The following LOC128462377 variants were observed in gnomAD, a reference collection of about 807,000 sequenced individuals.
chr16:89,393,395 C>T, the LOC128462377 span, among the ~76,000 whole-genome samples: 2 of 150,500 alleles, frequency 1.3e-5, no homozygotes, highest in African/African-American at 4.9e-5. Context: ...GCAATATTGG[C>T]TCACTGCAAC....
At chr16:89,385,922 C>T in the LOC128462377 span, among the ~76,000 whole-genome samples, 7 of 152,326 alleles carry the variant, frequency 4.6e-5, no homozygotes, top group Admixed American at 3.9e-4. Flanking sequence ...CCCAGGAGGT[C>T]ACCACACGGA....
At chr16:89,327,069 GAATGCAGAGGTTGGA>G in the LOC128462377 span, among the ~76,000 whole-genome samples, 2 of 38,962 alleles carry the variant, frequency 5.1e-5, no homozygotes, top group South Asian at 6.6e-4. Context: ...CAGAGGTGGG[GAATGCAGAGGTTGGA>G]AATGCAGAGG....
At chr16:89,361,420 G>C in the LOC128462377 span, 1 of 152,308 alleles carries the variant, frequency 6.6e-6, no homozygotes, top group African/African-American at 2.4e-5. Context: ...TTCAGGCCAG[G>C]TGACTGTCTT....
the LOC128462377 span, among the ~76,000 whole-genome samples, chr16:89,381,443 T>C: frequency 6.6e-5 from 10 of 151,754 alleles, no homozygotes; most frequent in African/African-American, 1.5e-4. Flanking sequence ...TTTAGGGTTA[T>C]TGTATAAGGA....
chr16:89,338,726 C>CA, the LOC128462377 span, among the ~76,000 whole-genome samples: 2,915 of 43,586 alleles, frequency 0.067, 448 homozygotes, highest in African/African-American at 0.14. Flanking sequence ...CACTCAGTCT[C>CA]AAAAAAAAAA....
the LOC128462377 span, among the ~76,000 whole-genome samples, chr16:89,403,125 C>T: frequency 2.6e-5 from 4 of 152,198 alleles, no homozygotes; most frequent in African/African-American, 9.7e-5. Flanking sequence ...CTCAGCGTGA[C>T]GTGCCCTCGT....
At chr16:89,376,816 A>G in the LOC128462377 span, among the ~76,000 whole-genome samples, 1 of 152,244 alleles carries the variant, frequency 6.6e-6, no homozygotes, top group East Asian at 1.9e-4. Context: ...TTTGTTAGTA[A>G]GAAAGAGAAG....
chr16:89,329,995 A>AAAAATAAAAT, the LOC128462377 span, among the ~76,000 whole-genome samples: 9,282 of 146,230 alleles, frequency 0.063, 363 homozygotes, highest in Middle Eastern at 0.14. Flanking sequence ...ACCTTGTCTC[A>AAAAATAAAAT]AAAATAAAAT....
At chr16:89,352,884 C>T in the LOC128462377 span, among the ~76,000 whole-genome samples, 1 of 152,212 alleles carries the variant, frequency 6.6e-6, no homozygotes, top group Admixed American at 6.5e-5. Flanking sequence ...TCTCTCACGG[C>T]TTGTTCTACT....
chr16:89,317,056 G>T, the LOC128462377 span: 2 of 1,595,796 alleles, frequency 1.3e-6, no homozygotes, highest in Admixed American at 1.7e-5. Flanking sequence ...TTACACGGCC[G>T]GCGCTTCATC....
At chr16:89,338,493 G>A in the LOC128462377 span, among the ~76,000 whole-genome samples, 1 of 151,068 alleles carries the variant, frequency 6.6e-6, no homozygotes, top group East Asian at 1.9e-4. Flanking sequence ...ACTTTGGGAG[G>A]CCGAGGCGGG....
chr16:89,391,426 G>C, the LOC128462377 span, among the ~76,000 whole-genome samples: 1 of 152,120 alleles, frequency 6.6e-6, no homozygotes, highest in Non-Finnish European at 1.5e-5. Context: ...AGGCTGCACG[G>C]GATTGTGGGA....
At chr16:89,415,259 T>C in the LOC128462377 span, among the ~76,000 whole-genome samples, 1 of 132,190 alleles carries the variant, frequency 7.6e-6, no homozygotes, top group Non-Finnish European at 1.6e-5. Flanking sequence ...TGGCCAGCTA[T>C]TCTTTTTTTT....
chr16:89,401,985 C>A, the LOC128462377 span, among the ~76,000 whole-genome samples: 2 of 149,924 alleles, frequency 1.3e-5, no homozygotes, highest in Non-Finnish European at 3.0e-5. Flanking sequence ...GCCCTGCAGA[C>A]AGCTTGGTCT....
the LOC128462377 span, among the ~76,000 whole-genome samples, chr16:89,371,198 G>A: frequency 6.6e-6 from 1 of 152,120 alleles, no homozygotes; most frequent in Non-Finnish European, 1.5e-5. Flanking sequence ...AAGATGCAAC[G>A]ACTCTCACTA....
chr16:89,344,089 C>T, the LOC128462377 span, among the ~76,000 whole-genome samples: 1 of 152,172 alleles, frequency 6.6e-6, no homozygotes, highest in South Asian at 2.1e-4. Context: ...TGCAGGACTT[C>T]CCGGGCCTCA....
At chr16:89,395,136 C>A in the LOC128462377 span, among the ~76,000 whole-genome samples, 1 of 152,226 alleles carries the variant, frequency 6.6e-6, no homozygotes. Flanking sequence ...CAAGAACAGG[C>A]AACACCACCA....
At chr16:89,384,562 G>T in the LOC128462377 span, among the ~76,000 whole-genome samples, 1 of 152,032 alleles carries the variant, frequency 6.6e-6, no homozygotes, top group African/African-American at 2.4e-5. Flanking sequence ...GATGGGAATG[G>T]GACAGGATGG....
chr16:89,402,890 G>C, the LOC128462377 span, among the ~76,000 whole-genome samples: 1 of 151,988 alleles, frequency 6.6e-6, no homozygotes, highest in East Asian at 1.9e-4. Flanking sequence ...CCGGGGGAAG[G>C]AGCCCCATCA....
Sources: gnomAD v4.1 joint callset for allele counts (sites outside exome capture counted in the v4.1 genomes callset) on GRCh38, gnomAD v4.1.1 for gene constraint, MANE v1.5 for transcripts.